The following BIRC6 variants were observed in gnomAD, a reference collection of about 807,000 sequenced individuals.
BIRC6 encodes baculoviral IAP repeat containing 6.
A neutral mutation model predicts 503.3 loss-of-function variants in BIRC6; 98 were observed. The observed-to-expected ratio is 0.19, with a 90% confidence interval of 0.17 to 0.23. The LOEUF is 0.23. BIRC6 is among the 10% of genes least tolerant of loss of function. The probability of loss-of-function intolerance (pLI) is 1.00; values close to 1 mark genes in which losing one functional copy is unlikely to be tolerated. For missense variants in BIRC6, 5,360 were observed against 5,806.0 expected (o/e 0.92, Z 2.50); for synonymous variants, 2,240 against 2,078.7 (o/e 1.08, Z -2.11).
chr2:32,551,078 T>C (rs1404490459), intron 65 of BIRC6, among the ~76,000 whole-genome samples: 1 of 152,060 alleles, frequency 6.6e-6, no homozygotes, highest in Non-Finnish European at 1.5e-5. Flanking sequence ...TAATACCTTA[T>C]ATTAAGATAA....
intron 73 of BIRC6, 139 bp from the exon 74 acceptor site, chr2:32,617,586 C>T: frequency 1.2e-6 from 1 of 853,136 alleles, no homozygotes; most frequent in African/African-American, 1.7e-5. Context: ...GTGCCTGTAA[C>T]AGTAGCTTGC....
chr2:32,450,113 G>T (rs1028894370), intron 22 of BIRC6, among the ~76,000 whole-genome samples: 1 of 152,172 alleles, frequency 6.6e-6, no homozygotes, highest in South Asian at 2.1e-4. Flanking sequence ...AGGACTGTAA[G>T]GTTCATTCCA....
intron 73 of BIRC6, among the ~76,000 whole-genome samples, chr2:32,613,702 C>T (rs913324725): frequency 2.6e-5 from 4 of 152,212 alleles, no homozygotes; most frequent in Non-Finnish European, 5.9e-5. Flanking sequence ...TTCTAACCCT[C>T]TGCGTCTACC....
intron 42 of BIRC6, among the ~76,000 whole-genome samples, chr2:32,489,688 T>C (rs2051456200): frequency 6.6e-6 from 1 of 152,084 alleles, no homozygotes; most frequent in Non-Finnish European, 1.5e-5. Flanking sequence ...ATACCAGTTT[T>C]TCCAGTATCT....
intron 8 of BIRC6, 122 bp downstream of exon 8, chr2:32,401,745 GTAAA>G: frequency 1.2e-6 from 1 of 804,708 alleles, no homozygotes; most frequent in Admixed American, 3.3e-5. Context: ...AGATCAGAGA[GTAAA>G]TGTTTGGTTA....
At chr2:32,491,694 GTTA>G in intron 44 of BIRC6, 136 bp downstream of exon 44, 1 of 982,188 alleles carries the variant, frequency 1.0e-6, no homozygotes, top group Non-Finnish European at 1.4e-6. Flanking sequence ...AAAAGGTTTT[GTTA>G]TTTGTAATAA....
intron 41 of BIRC6, 107 bp downstream of exon 41, chr2:32,487,908 A>G (rs2051188614): frequency 1.1e-6 from 1 of 925,262 alleles, no homozygotes; most frequent in South Asian, 1.8e-5. Context: ...TGATTTCTTT[A>G]TTATATTCAG....
At chr2:32,507,147 A>T (rs2053884748) in intron 50 of BIRC6, among the ~76,000 whole-genome samples, 1 of 152,072 alleles carries the variant, frequency 6.6e-6, no homozygotes, top group African/African-American at 2.4e-5. Context: ...TTTGAAAAGG[A>T]GGCTGGGCGC....
chr2:32,517,385 A>C (rs10185152), intron 55 of BIRC6, among the ~76,000 whole-genome samples: 1 of 152,200 alleles, frequency 6.6e-6, no homozygotes, highest in Non-Finnish European at 1.5e-5. Context: ...AAAGATATTT[A>C]ACTGCCTGTA....
chr2:32,376,212 C>G lies in BIRC6; in HGVS notation c.326-1376C>G, dbSNP rs372060342. On this transcript the variant is annotated intron_variant, in intron 1 of 73. Coordinates refer to ENST00000421745, the MANE Select transcript of BIRC6 (RefSeq NM_016252.4). ...AAAAAAAAAAAAAAAAAGGAAAATA[C>G]ATGAGAATCAGGAGAGATCACTTTT... Among the ~76,000 whole-genome samples, 885 of 146,418 alleles carry G rather than the reference C, an allele frequency of 6.0e-3. 7 individuals carry two copies. The highest frequency in any genetic ancestry group is 0.021 in the African/African-American group (836 of 39,900).
At chr2:32,461,048 T>TCTCCTCTCC (rs1558789645) in intron 23 of BIRC6, among the ~76,000 whole-genome samples, 8 of 61,346 alleles carry the variant, frequency 1.3e-4, no homozygotes, top group Non-Finnish European at 2.9e-4. Flanking sequence ...TTCTCTTCTC[T>TCTCCTCTCC]TCTCTTCTCT....
intron 1 of BIRC6, among the ~76,000 whole-genome samples, chr2:32,365,707 A>G (rs956164949): frequency 2.0e-5 from 3 of 152,110 alleles, no homozygotes; most frequent in Non-Finnish European, 2.9e-5. Flanking sequence ...AATTTGAACT[A>G]CCTTGGCCAT....
intron 3 of BIRC6, among the ~76,000 whole-genome samples, chr2:32,387,866 C>T (rs776775129): frequency 6.6e-6 from 1 of 152,004 alleles, no homozygotes; most frequent in Non-Finnish European, 1.5e-5. Context: ...CTGTCTGGTT[C>T]TGAATTGTCT....
At position 32,493,661 on chromosome 2, in the gene BIRC6, C is replaced by T; in HGVS notation, c.8462C>T (p.Thr2821Ile). 1 of 1,597,818 alleles carries T rather than the reference C, an allele frequency of 6.3e-7. No individual in the cohort carries two copies. The highest frequency in any genetic ancestry group is 8.6e-7 in the Non-Finnish European group (1 of 1,169,414). The change falls in exon 45 of 74, where the codon ACT becomes ATT. Residue 2821 changes from threonine to isoleucine, a missense_variant. Coordinates refer to ENST00000421745, the MANE Select transcript of BIRC6 (RefSeq NM_016252.4). ...CTCAAGCTAATTCATATACTTTCAA[C>T]TGAAAGGTAAATTTTTGTGTACTAA... ...FLLKLIHILS[T>I]ERGAFQTGQG... is the part of the protein sequence containing the mutation.
Position 32,507,993 on chromosome 2 carries a change from A to G in BIRC6, c.9714A>G (p.Ser3238=), listed in dbSNP as rs756474858. 3.7e-6 allele frequency: 6 copies of G among 1,612,958 alleles called. No individual in the cohort carries two copies. The South Asian group carries it at 6.6e-5, about 18-fold the overall frequency. The change falls in exon 51 of 74, where the codon TCA becomes TCG. Residue 3238 remains serine, a synonymous_variant. Coordinates refer to ENST00000421745, the MANE Select transcript of BIRC6 (RefSeq NM_016252.4). ...HLASLATCPS[S]VSVEVSADGV... ...CTCTTTTTATAGCCTGCCCTTCCTCAGTGTCTGTTGAAGTAAGTGCAGATG... is the reference window on the plus strand; with the variant it reads ...CTCTTTTTATAGCCTGCCCTTCCTCGGTGTCTGTTGAAGTAAGTGCAGATG...
At chr2:32,517,841 A>G (rs1253677863) in intron 55 of BIRC6, among the ~76,000 whole-genome samples, 1 of 152,088 alleles carries the variant, frequency 6.6e-6, no homozygotes, top group Non-Finnish European at 1.5e-5. Flanking sequence ...TTAGTTTCCC[A>G]AAGTTCTGAG....
At position 32,442,360 on chromosome 2, in the gene BIRC6, A is replaced by G. The variant is rs1490913415; in HGVS notation, c.4143A>G (p.Thr1381=). The stretch of plus-strand genomic sequence containing the variant: ...GAAATGAGAACCTACTTTCAAAAAC[A>G]CGAAAATTTCTGTCAGACATCGTAC... ...KEGNENLLSK[T]RKFLSDIVRV... The change falls in exon 19 of 74, where the codon ACA becomes ACG. Residue 1381 remains threonine (T), a synonymous_variant. Transcript: ENST00000421745. 1 of 1,612,766 alleles carries G rather than the reference A, an allele frequency of 6.2e-7. No individual in the cohort carries two copies. Among genetic ancestry groups the G allele is most frequent in the Non-Finnish European group, 8.5e-7 (1 of 1,179,296 alleles).
chr2:32,406,653 C>G, intron 9 of BIRC6, 96 bp downstream of exon 9: 2 of 835,114 alleles, frequency 2.4e-6, no homozygotes, highest in Admixed American at 2.7e-5. Context: ...TTAGTTAATG[C>G]TAACTCTAAA....
At chr2:32,436,639 G>A (rs903622508) in intron 15 of BIRC6, among the ~76,000 whole-genome samples, 7 of 152,004 alleles carry the variant, frequency 4.6e-5, no homozygotes, top group African/African-American at 1.7e-4. Context: ...GAGTGTAGTG[G>A]CGCTATCTTT....
Sources: gnomAD v4.1 joint callset for allele counts (sites outside exome capture counted in the v4.1 genomes callset) on GRCh38, gnomAD v4.1.1 for gene constraint, MANE v1.5 for transcripts, NCBI Gene and HGNC (gene_info 2026-07-23, HGNC 2026-07-21) for gene names.